TNFSF12: variants seen among roughly 807,000 people sequenced by gnomAD.
TNFSF12 encodes tumor necrosis factor ligand superfamily member 12.
In TNFSF12, 16 loss-of-function variants were observed where a neutral mutation model predicts 31.2. The ratio of observed to expected loss-of-function variants is 0.51; its 90% CI spans 0.35 to 0.78. TNFSF12 has a LOEUF of 0.78. TNFSF12 is among the 30% of genes least tolerant of loss of function. TNFSF12 has a pLI of 0.01. For synonymous variants in TNFSF12, 150 were observed against 151.4 expected, an observed-to-expected ratio of 0.99 and a Z score of 0.07; for missense variants, 324 against 338.8, an observed-to-expected ratio of 0.96 and a Z score of 0.34.
In TNFSF12 at chr17:7,549,791, G is replaced by A. The variant is rs1024283372; in HGVS notation, c.207+270G>A. 5.0e-6 allele frequency: 3 copies of A among 604,124 alleles called. No homozygotes were observed. In the East Asian group the frequency reaches 8.3e-5, roughly 17 times the overall value. 37.4% of individuals were successfully genotyped at this position (604,124 alleles called of 1,614,324 possible). A position where few individuals can be genotyped will look rare whatever the true frequency, so the allele number is the denominator to read the frequency against. The stretch of plus-strand genomic sequence containing the variant: ...TGTATAAGATATGTGAGTCTGCGTG[G>A]AAGAGGGGTGCGGTTGTGTACAGGG... On this transcript the variant is annotated intron_variant, in intron 2 of 6. Coordinates refer to ENST00000293825, the MANE Select transcript of TNFSF12 (RefSeq NM_003809.3). The surrounding 1 kb of genome is among the most constrained non-coding windows in gnomAD (Gnocchi z 4.1).
Position 7,549,533 on chromosome 17 carries a change from T to C in TNFSF12, c.207+12T>C. 1 of 1,545,112 alleles carries C rather than the reference T, an allele frequency of 6.5e-7. No homozygotes were observed. The highest frequency in any genetic ancestry group is 8.8e-7 in the Non-Finnish European group (1 of 1,142,316). On this transcript the variant is annotated intron_variant, in intron 2 of 6. Coordinates refer to ENST00000293825, the MANE Select transcript of TNFSF12 (RefSeq NM_003809.3). This position sits in a 1 kb window ranked among gnomAD's most constrained non-coding sequence, Gnocchi z 4.1. ...ACCAGGACCCGTCGGTGAGTGGGCGTGGGCGCGGTCTGCAGGCTGCTGGGG... is the reference window on the plus strand; with the variant it reads ...ACCAGGACCCGTCGGTGAGTGGGCGCGGGCGCGGTCTGCAGGCTGCTGGGG...
rs1184645893 is a variant in TNFSF12 at position 7,550,278 on chromosome 17, G to T, written c.283+83G>T. 1.9e-6 allele frequency: 3 copies of T among 1,602,380 alleles called. No individual in the cohort carries two copies. The highest frequency in any genetic ancestry group is 1.7e-4 in the Middle Eastern group (1 of 6,052). ...AGGGAGAAACTGAGGCACGGAGGGT[G>T]AAAGGAGTTCAGAGTCATGCAGCTA... On this transcript the variant is annotated intron_variant, in intron 3 of 6. Transcript: ENST00000293825. This position sits in a 1 kb window ranked among gnomAD's most constrained non-coding sequence, Gnocchi z 4.4.
At chr17:7,552,088 C>T (rs556961658) in intron 5 of TNFSF12, among the ~76,000 whole-genome samples, 12 of 152,234 alleles carry the variant, frequency 7.9e-5, no homozygotes, top group South Asian at 2.1e-4. Context: ...ACCCAGCCAG[C>T]TTCTAGATTT....
chr17:7,551,339 T>TA (rs1424254483), intron 5 of TNFSF12, among the ~76,000 whole-genome samples: 1 of 152,052 alleles, frequency 6.6e-6, no homozygotes, highest in Non-Finnish European at 1.5e-5. Context: ...CCCCACCCTC[T>TA]ACCTCAGCAC....
At position 7,555,973 on chromosome 17, in the gene TNFSF12, G is replaced by GTTTTTTGTTTTTTTT. The variant is rs1555564686; in HGVS notation, c.374-799_374-798insGTTTTTTTTTTTTTT. 7.7e-3 allele frequency among the ~76,000 whole-genome samples: 544 copies of GTTTTTTGTTTTTTTT among 70,750 alleles called. 48 individuals are homozygous for GTTTTTTGTTTTTTTT. The highest frequency in any genetic ancestry group is 9.5e-3 in the Non-Finnish European group (363 of 38,344). The allele number at this position is 70,750 out of a possible 152,430, so 46.4% of individuals were successfully genotyped here. A position where few individuals can be genotyped will look rare whatever the true frequency, so the allele number is the denominator to read the frequency against. On this transcript the variant is annotated intron_variant, in intron 5 of 6. Transcript: ENST00000293825. Reference sequence around the variant, plus strand: ...GTGGAAATAAAAATGCCCAGTGAGCGTTTTTTTTGTTTTTTTTTTTTTTTG... The same window carrying GTTTTTTGTTTTTTTT: ...GTGGAAATAAAAATGCCCAGTGAGCGTTTTTTGTTTTTTTTTTTTTTTTGTTTTTTTTTTTTTTTG...
intron 5 of TNFSF12, among the ~76,000 whole-genome samples, chr17:7,555,679 T>C (rs2071052981): frequency 6.6e-6 from 1 of 152,024 alleles, no homozygotes; most frequent in Non-Finnish European, 1.5e-5. Flanking sequence ...GAGAGCTATT[T>C]AGGAGGCAGG....
rs1047001645 is a variant in TNFSF12 at position 7,549,233 on chromosome 17, G to T, written c.80G>T (p.Gly27Val). The T allele has an allele frequency of 2.9e-6, 4 of 1,384,818 alleles. No individual in the cohort carries two copies. The highest frequency in any genetic ancestry group is 2.8e-6 in the Non-Finnish European group (3 of 1,073,782). The allele number at this position is 1,384,818 out of a possible 1,614,324, so 85.8% of individuals were successfully genotyped here. A position where few individuals can be genotyped will look rare whatever the true frequency, so the allele number is the denominator to read the frequency against. ...GCCCTGCTGGTCCCGCTCGCGCTGG[G>T]CCTGGGCCTGGCGCTGGCCTGCCTC... The part of the protein sequence containing the change: ...GTALLVPLAL[G>V]LGLALACLGL... The change falls in exon 1 of 7, where the codon GGC (glycine) becomes GTC (valine). Residue 27 changes from glycine (G) to valine (V), a missense_variant. Coordinates refer to ENST00000293825, the MANE Select transcript of TNFSF12 (RefSeq NM_003809.3). This position sits in a 1 kb window ranked among gnomAD's most constrained non-coding sequence, Gnocchi z 4.1.
intron 5 of TNFSF12, among the ~76,000 whole-genome samples, chr17:7,552,327 C>CT (rs930416946): frequency 0.12 from 15,332 of 128,872 alleles, 1,213 homozygotes; most frequent in South Asian, 0.16. Context: ...ATATGGATGG[C>CT]TTTTTTTTTT....
rs765942029 is a variant in TNFSF12, at chr17:7,550,241, A to G, written c.283+46A>G. Reference sequence around the variant, plus strand: ...ACCTCAGGAAGCGGGCAGAGCAAAAACCATTATCCACAGGGAGAAACTGAG... The same window carrying G: ...ACCTCAGGAAGCGGGCAGAGCAAAAGCCATTATCCACAGGGAGAAACTGAG... On this transcript the variant is annotated intron_variant, in intron 3 of 6. Transcript: ENST00000293825. The surrounding 1 kb of genome is among the most constrained non-coding windows in gnomAD (Gnocchi z 4.4). The G allele has an allele frequency of 6.2e-7, 1 of 1,613,518 alleles. No homozygotes were observed. Among genetic ancestry groups the G allele is most frequent in the Non-Finnish European group, 8.5e-7 (1 of 1,179,802 alleles).
chr17:7,549,443 GCACA>G lies in TNFSF12; in HGVS notation c.160-30_160-27del. ...GGAGGGTGAGATGTCAGGTGGAGCG[GCACA>G]GGGTGACGCTCCCTCCTTCCCAGCA... On this transcript the variant is annotated intron_variant, in intron 1 of 6. Coordinates refer to ENST00000293825, the MANE Select transcript of TNFSF12 (RefSeq NM_003809.3). This position sits in a 1 kb window ranked among gnomAD's most constrained non-coding sequence, Gnocchi z 4.1. The G allele has an allele frequency of 2.7e-6, 4 of 1,486,614 alleles. No homozygotes were observed. The Admixed American group carries it at 6.6e-5, about 24-fold the overall frequency. The allele number at this position is 1,486,614 out of a possible 1,614,324, so 92.1% of individuals were successfully genotyped here.
At position 7,556,858 on chromosome 17, in the gene TNFSF12, G is replaced by A; in HGVS notation, c.454G>A (p.Glu152Lys). 1 of 1,555,200 alleles carries A rather than the reference G, an allele frequency of 6.4e-7. No individual in the cohort carries two copies. Among genetic ancestry groups the A allele is most frequent in the Non-Finnish European group, 8.7e-7 (1 of 1,148,476 alleles). The change falls in exon 6 of 7, where the codon GAG (glutamate) becomes AAG (lysine). Residue 152 changes from glutamate to lysine, a missense_variant. By Grantham distance (56) the Glu-to-Lys change is moderately conservative. Transcript: ENST00000293825. The stretch of plus-strand genomic sequence containing the variant: ...TCTGCGCTACAACCGCCAGATCGGG[G>A]AGTTTATAGTCACCCGGGCTGGGCT... ...SPLRYNRQIG[E>K]FIVTRAGLYY...
At chr17:7,554,306 TC>T (rs1273260037) in intron 5 of TNFSF12, among the ~76,000 whole-genome samples, 15 of 122,528 alleles carry the variant, frequency 1.2e-4, no homozygotes, top group African/African-American at 4.3e-4. Context: ...ATATCCAGAC[TC>T]TTTTTTTTTT....
At position 7,549,259 on chromosome 17, in the gene TNFSF12, G is replaced by A. The variant is rs2070970743; in HGVS notation, c.106G>A (p.Gly36Ser). 2.1e-6 allele frequency: 3 copies of A among 1,395,654 alleles called. No individual in the cohort carries two copies. Among genetic ancestry groups the A allele is most frequent in the South Asian group, 1.6e-5 (1 of 63,126 alleles). 86.5% of individuals were successfully genotyped at this position (1,395,654 alleles called of 1,614,324 possible). Reference sequence around the variant, plus strand: ...CCTGGGCCTGGCGCTGGCCTGCCTCGGCCTCCTGCTGGCCGTGGTCAGTTT... The same window carrying A: ...CCTGGGCCTGGCGCTGGCCTGCCTCAGCCTCCTGCTGGCCGTGGTCAGTTT... ...LGLGLALACL[G>S]LLLAVVSLGS... The change falls in exon 1 of 7, where the codon GGC becomes AGC. Residue 36 changes from glycine to serine, a missense_variant. Coordinates refer to ENST00000293825, the MANE Select transcript of TNFSF12 (RefSeq NM_003809.3). The surrounding 1 kb of genome is among the most constrained non-coding windows in gnomAD (Gnocchi z 4.1).
chr17:7,552,045 C>G (rs1369870204), intron 5 of TNFSF12, among the ~76,000 whole-genome samples: 1 of 152,174 alleles, frequency 6.6e-6, no homozygotes, highest in Non-Finnish European at 1.5e-5. Flanking sequence ...CTCGGCCTAC[C>G]AAAGTGCTGG....
rs1326993093 is a variant in TNFSF12 at position 7,550,827 on chromosome 17, A to G, written c.312A>G (p.Arg104=). ...CTAAAGGCCGGAAAACACGGGCTCG[A>G]AGAGCGATCGCAGCCCATTATGAAG... ...SAPKGRKTRA[R]RAIAAHYEVH... is the part of the protein sequence containing the mutation. Residue 104 remains arginine (R), a synonymous_variant, in exon 4 of 7, where the codon CGA becomes CGG. Coordinates refer to ENST00000293825, the MANE Select transcript of TNFSF12 (RefSeq NM_003809.3). This position sits in a 1 kb window ranked among gnomAD's most constrained non-coding sequence, Gnocchi z 4.4. 6.2e-7 allele frequency: 1 copy of G among 1,612,414 alleles called. No individual in the cohort carries two copies. The highest frequency in any genetic ancestry group is 1.7e-5 in the Admixed American group (1 of 59,978).
chr17:7,550,910 C>A lies in TNFSF12; in HGVS notation c.338-33C>A, dbSNP rs1326688886. On this transcript the variant is annotated intron_variant, in intron 4 of 6. Coordinates refer to ENST00000293825, the MANE Select transcript of TNFSF12 (RefSeq NM_003809.3). The surrounding 1 kb of genome is among the most constrained non-coding windows in gnomAD (Gnocchi z 4.4). The stretch of plus-strand genomic sequence containing the variant: ...AGGGGCAGGTGGCAGAGGGTCAGGG[C>A]AGGTCTCACCAGCCTTTTCCTGTAC... The A allele has an allele frequency of 3.1e-6, 5 of 1,614,056 alleles. No homozygotes were observed. In the Admixed American group the frequency reaches 6.7e-5, roughly 22 times the overall value.
In TNFSF12 at chr17:7,550,439, T is replaced by C. The variant is rs1250782856; in HGVS notation, c.283+244T>C. Among the ~76,000 whole-genome samples the C allele has an allele frequency of 6.6e-6, 1 of 152,178 alleles. No individual in the cohort carries two copies. The highest frequency in any genetic ancestry group is 2.1e-4 in the South Asian group (1 of 4,834). On this transcript the variant is annotated intron_variant, in intron 3 of 6. Coordinates refer to ENST00000293825, the MANE Select transcript of TNFSF12 (RefSeq NM_003809.3). The surrounding 1 kb of genome is among the most constrained non-coding windows in gnomAD (Gnocchi z 4.4). ...GTTAGAAGAACTACTGGGATCCTGATGGAGACTAGGCCTGGCAGTCAGAGG... is the reference window on the plus strand; with the variant it reads ...GTTAGAAGAACTACTGGGATCCTGACGGAGACTAGGCCTGGCAGTCAGAGG...
At chr17:7,554,328 T>TG in intron 5 of TNFSF12, among the ~76,000 whole-genome samples, 1 of 143,962 alleles carries the variant, frequency 6.9e-6, no homozygotes, top group African/African-American at 2.6e-5. Flanking sequence ...TTTTTTTTTT[T>TG]TTTGAGATGG....
At position 7,556,872 on chromosome 17, in the gene TNFSF12, C is replaced by T; in HGVS notation, c.468C>T (p.Thr156=). The T allele has an allele frequency of 3.2e-6, 5 of 1,540,780 alleles. No homozygotes were observed. The highest frequency in any genetic ancestry group is 1.2e-5 in the South Asian group (1 of 80,430). ...GCCAGATCGGGGAGTTTATAGTCAC[C>T]CGGGCTGGGCTCTACTACCTGTACT... ...YNRQIGEFIV[T]RAGLYYLYCQ... The change falls in exon 6 of 7, where the codon ACC becomes ACT. Residue 156 remains threonine, a synonymous_variant. Coordinates refer to ENST00000293825, the MANE Select transcript of TNFSF12 (RefSeq NM_003809.3).
Sources: gnomAD v4.1 joint callset for allele counts (sites outside exome capture counted in the v4.1 genomes callset) on GRCh38, gnomAD v4.1.1 for gene constraint, Gnocchi (gnomAD v3.1) non-coding constraint, MANE v1.5 for transcripts, NCBI Gene and HGNC (gene_info 2026-07-23, HGNC 2026-07-21) for gene names.